Variants in THSD4 observed in about 807,000 individuals in gnomAD.
The protein encoded by THSD4 is thrombospondin type-1 domain-containing protein 4.
A neutral mutation model predicts 119.0 loss-of-function variants in THSD4; 69 were observed. The ratio of observed to expected loss-of-function variants is 0.58; its 90% CI spans 0.48 to 0.71. The LOEUF (loss-of-function observed/expected upper bound fraction) is 0.71. Ranked by LOEUF, THSD4 falls within the 30% of genes least tolerant of loss-of-function variation. The probability of loss-of-function intolerance (pLI) is 0.00; values close to 1 mark genes in which losing one functional copy is unlikely to be tolerated. For missense variants in THSD4, 1,393 were observed against 1,391.1 expected (o/e 1.00, Z -0.02); for synonymous variants, 524 against 540.4 (o/e 0.97, Z 0.42).
In THSD4 at chr15:71,778,672, C is replaced by T. The variant is rs1457473327; in HGVS notation, c.*1298C>T. On this transcript the variant is annotated 3_prime_UTR_variant, in exon 18 of 18. Transcript: ENST00000261862. ...TTTCCCTCTGTGGCCACAAATTCCT[C>T]CCCTCCCCCATGACTCACAGTCCAT... 7.0e-6 allele frequency: 1 copy of T among 142,180 alleles called. No individual in the cohort carries two copies. Among genetic ancestry groups the T allele is most frequent in the African/African-American group, 2.5e-5 (1 of 39,476 alleles). 8.8% of individuals were successfully genotyped at this position (142,180 alleles called of 1,614,324 possible). A position where few individuals can be genotyped will look rare whatever the true frequency, so the allele number is the denominator to read the frequency against.
chr15:71,310,231 G>T (rs2045093234), intron 6 of THSD4, among the ~76,000 whole-genome samples: 1 of 152,108 alleles, frequency 6.6e-6, no homozygotes, highest in African/African-American at 2.4e-5. Flanking sequence ...CTCTTACACT[G>T]TGGGACTAGG....
At chr15:71,460,868 GTTC>G (rs2047420375) in intron 7 of THSD4, among the ~76,000 whole-genome samples, 2 of 152,026 alleles carry the variant, frequency 1.3e-5, no homozygotes, top group African/African-American at 4.8e-5. Flanking sequence ...ATACATATTG[GTTC>G]TTCTTGTTGG....
chr15:71,454,685 C>T (rs1010406915), intron 7 of THSD4, among the ~76,000 whole-genome samples: 10 of 152,352 alleles, frequency 6.6e-5, no homozygotes, highest in East Asian at 1.9e-4. Context: ...AAAATTCATT[C>T]TAAGTGGTCA....
At chr15:71,556,194 A>G (rs183683113) in intron 7 of THSD4, among the ~76,000 whole-genome samples, 1 of 152,302 alleles carries the variant, frequency 6.6e-6, no homozygotes, top group Admixed American at 6.5e-5. Context: ...AATTTTTATC[A>G]GTATTGTATT....
chr15:71,634,752 G>A (rs912925620), intron 7 of THSD4, among the ~76,000 whole-genome samples: 1 of 152,194 alleles, frequency 6.6e-6, no homozygotes, highest in Non-Finnish European at 1.5e-5. Context: ...GCTCCACGGT[G>A]GCAGCAAGTT....
intron 7 of THSD4, among the ~76,000 whole-genome samples, chr15:71,430,621 G>A (rs888604209): frequency 2.0e-5 from 3 of 151,810 alleles, no homozygotes; most frequent in Non-Finnish European, 2.9e-5. Context: ...GCTGGGCGTG[G>A]TGGTGCCCGC....
chr15:71,416,995 A>G (rs2046767722), intron 7 of THSD4, among the ~76,000 whole-genome samples: 1 of 107,408 alleles, frequency 9.3e-6, no homozygotes, highest in African/African-American at 3.2e-5. Flanking sequence ...TCCTGACCTC[A>G]TGATCCGCCT....
At chr15:71,719,711 C>T (rs1396032853) in intron 8 of THSD4, among the ~76,000 whole-genome samples, 13 of 152,148 alleles carry the variant, frequency 8.5e-5, no homozygotes, top group Admixed American at 5.2e-4. Flanking sequence ...GGTCTCACTC[C>T]GTCTCCCGGG....
At chr15:71,655,939 AC>A (rs747928342) in intron 7 of THSD4, among the ~76,000 whole-genome samples, 38 of 152,210 alleles carry the variant, frequency 2.5e-4, no homozygotes, top group Non-Finnish European at 4.6e-4. Context: ...AAGAGAAGTG[AC>A]CAATCCAGCA....
intron 15 of THSD4, among the ~76,000 whole-genome samples, chr15:71,759,695 G>A (rs895624746): frequency 1.3e-5 from 2 of 152,174 alleles, no homozygotes; most frequent in African/African-American, 4.8e-5. Context: ...AGTCACACAC[G>A]TGAAGATAAG....
rs558558003 is a variant in THSD4 at position 71,483,482 on chromosome 15, G to A, written c.1152+71659G>A. Among the ~76,000 whole-genome samples the A allele has an allele frequency of 2.0e-3, 306 of 152,246 alleles. 17 individuals carry two copies. The South Asian group carries it at 0.06, about 30-fold the overall frequency. On this transcript the variant is annotated intron_variant, in intron 7 of 17. Coordinates refer to ENST00000261862, the MANE Select transcript of THSD4 (RefSeq NM_024817.3). ...TTGATCAAGTGGAGTGAGAGGTGGC[G>A]CTGTCTCATGAGAAGAGCATTTGAC...
At chr15:71,552,939 T>A (rs953076384) in intron 7 of THSD4, among the ~76,000 whole-genome samples, 3 of 152,174 alleles carry the variant, frequency 2.0e-5, no homozygotes, top group African/African-American at 7.2e-5. Context: ...AGCCTAGCAA[T>A]TTTTTTACAT....
chr15:71,647,254 C>T (rs1043509492), intron 7 of THSD4, among the ~76,000 whole-genome samples: 2 of 152,210 alleles, frequency 1.3e-5, no homozygotes, highest in African/African-American at 4.8e-5. Context: ...GGCAGCAGAT[C>T]TGCTATTGCC....
chr15:71,547,869 T>C (rs2048862571), intron 7 of THSD4: 1 of 157,902 alleles, frequency 6.3e-6, no homozygotes, highest in Non-Finnish European at 1.4e-5. Context: ...ATGTACATGC[T>C]AGGGGAATTG....
In THSD4 at chr15:71,277,125, C is replaced by CT. The variant is rs1228077875; in HGVS notation, c.1015+20412dup. Among the ~76,000 whole-genome samples, 97 of 80,982 alleles carry CT rather than the reference C, an allele frequency of 1.2e-3. 2 individuals are homozygous for CT. The South Asian group carries it at 0.031, about 26-fold the overall frequency. 53.1% of individuals were successfully genotyped at this position (80,982 alleles called of 152,430 possible). On this transcript the variant is annotated intron_variant, in intron 6 of 17. Coordinates refer to ENST00000261862, the MANE Select transcript of THSD4 (RefSeq NM_024817.3). The stretch of plus-strand genomic sequence containing the variant: ...AACTATTTGTATTTGAATTCTTCTT[C>CT]TTCTTTTTTTTTTTTTTGAAACGGA...
At chr15:71,377,677 T>G (rs1166894677) in intron 6 of THSD4, among the ~76,000 whole-genome samples, 2 of 152,156 alleles carry the variant, frequency 1.3e-5, no homozygotes, top group East Asian at 3.9e-4. Context: ...CAGTGGGCCA[T>G]TCTGTTTCAG....
intron 1 of THSD4, among the ~76,000 whole-genome samples, chr15:71,131,233 G>A (rs956074379): frequency 6.6e-5 from 10 of 152,044 alleles, no homozygotes; most frequent in African/African-American, 2.4e-4. Flanking sequence ...TTTGGGATGA[G>A]ATGTCCAGCA....
At chr15:71,749,697 TTTTATTTATTTATTTA>T (rs71131703) in intron 14 of THSD4, among the ~76,000 whole-genome samples, 10 of 137,630 alleles carry the variant, frequency 7.3e-5, no homozygotes, top group Admixed American at 2.2e-4. Context: ...ATTTTTAAAT[TTTTATTTATTTATTTA>T]TTTATTTATT....
chr15:71,761,625 C>A (rs756550617), intron 15 of THSD4, among the ~76,000 whole-genome samples: 4 of 152,170 alleles, frequency 2.6e-5, no homozygotes, highest in Non-Finnish European at 5.9e-5. Flanking sequence ...ACATTTTTAT[C>A]ATTCCAAAAA....
Sources: gnomAD v4.1 joint callset for allele counts (sites outside exome capture counted in the v4.1 genomes callset) on GRCh38, gnomAD v4.1.1 for gene constraint, MANE v1.5 for transcripts, NCBI Gene and HGNC (gene_info 2026-07-23, HGNC 2026-07-21) for gene names.